DMGDH: variants seen among roughly 807,000 people sequenced by gnomAD.
The protein encoded by DMGDH is dimethylglycine dehydrogenase, mitochondrial.
In DMGDH, 76 loss-of-function variants were observed where a neutral mutation model predicts 95.2. The observed-to-expected ratio is 0.80, with a 90% CI of 0.66 to 0.97. DMGDH has a LOEUF of 0.97. Among genes scored for constraint, DMGDH ranks in the 50% least tolerant of loss-of-function variants. The pLI, the probability that DMGDH is intolerant of heterozygous loss-of-function variation, is 0.00. For synonymous variants in DMGDH, 345 were observed against 377.6 expected (o/e 0.91, Z 1.00); for missense variants, 987 against 1,055.0 (o/e 0.94, Z 0.89).
At chr5:79,021,403 G>A in intron 14 of DMGDH, 1 of 1,180,830 alleles carries the variant, frequency 8.5e-7, no homozygotes, top group Non-Finnish European at 1.1e-6. Context: ...CTTAATAAAT[G>A]TCTACTAGAT....
At chr5:79,007,651 C>T (rs948938779) in intron 14 of DMGDH, among the ~76,000 whole-genome samples, 9 of 152,090 alleles carry the variant, frequency 5.9e-5, no homozygotes, top group Non-Finnish European at 1.0e-4. Flanking sequence ...TAGTCAGTGA[C>T]CAAATTGACT....
chr5:79,029,439 T>C (rs559580416), intron 11 of DMGDH, among the ~76,000 whole-genome samples: 21 of 152,332 alleles, frequency 1.4e-4, no homozygotes, highest in Admixed American at 1.3e-3. Context: ...TAGATCCAGC[T>C]GTGGGCCAGA....
chr5:79,035,035 A>T lies in DMGDH; in HGVS notation c.1194-1627T>A, dbSNP rs1229322636. ...TCGCGCCACTGCACTCCAACCTGGGAGACACAGCGAGACTCCATCTCAAAA... is the reference window on the plus strand; with the variant it reads ...TCGCGCCACTGCACTCCAACCTGGGTGACACAGCGAGACTCCATCTCAAAA... On this transcript the variant is annotated intron_variant, in intron 7 of 15. Coordinates refer to ENST00000255189, the MANE Select transcript of DMGDH (RefSeq NM_013391.3). 4.2e-5 allele frequency among the ~76,000 whole-genome samples: 5 copies of T among 118,492 alleles called. No homozygotes were observed. In the East Asian group the frequency reaches 1.0e-3, roughly 24 times the overall value. The allele number at this position is 118,492 out of a possible 152,430, so 77.7% of individuals were successfully genotyped here.
At chr5:79,012,847 C>T (rs925057868) in intron 14 of DMGDH, among the ~76,000 whole-genome samples, 1 of 152,224 alleles carries the variant, frequency 6.6e-6, no homozygotes, top group Non-Finnish European at 1.5e-5. Context: ...GGCAGTGGGG[C>T]CTTGGGCCTG....
At chr5:79,050,130 G>A (rs549096720) in intron 5 of DMGDH, among the ~76,000 whole-genome samples, 7 of 150,208 alleles carry the variant, frequency 4.7e-5, no homozygotes, top group South Asian at 4.2e-4. Flanking sequence ...GGTGGCAGGC[G>A]CCTGTTATTC....
intron 12 of DMGDH, among the ~76,000 whole-genome samples, chr5:79,026,861 T>G (rs571110913): frequency 6.6e-6 from 1 of 152,216 alleles, no homozygotes; most frequent in East Asian, 1.9e-4. Flanking sequence ...GGAATTAATC[T>G]CCACCCTGGA....
intron 15 of DMGDH, among the ~76,000 whole-genome samples, chr5:79,002,215 C>T (rs1233116713): frequency 1.3e-5 from 2 of 152,114 alleles, no homozygotes; most frequent in Non-Finnish European, 2.9e-5. Flanking sequence ...TGACTGTCCC[C>T]GTGTGTTTTA....
intron 4 of DMGDH, among the ~76,000 whole-genome samples, chr5:79,053,782 C>T (rs1045200206): frequency 3.9e-5 from 6 of 152,164 alleles, no homozygotes; most frequent in East Asian, 1.9e-4. Context: ...TGTAGAGCAA[C>T]GTACCATGGC....
At chr5:79,059,468 G>A (rs1755134478) in intron 2 of DMGDH, among the ~76,000 whole-genome samples, 1 of 152,140 alleles carries the variant, frequency 6.6e-6, no homozygotes, top group Non-Finnish European at 1.5e-5. Flanking sequence ...GACATTTCAT[G>A]TTCTTGTGTC....
Position 79,029,915 on chromosome 5 carries a change from A to C in DMGDH, c.1803T>G (p.Leu601=). The change falls in exon 11 of 16, where the codon CTT becomes CTG. Residue 601 remains leucine, a synonymous_variant. Transcript: ENST00000255189. The stretch of plus-strand genomic sequence containing the variant: ...AGGTGTGCACTTACCTAAGATCATG[A>C]AGTTCTGATCCAGAGCCAGTAATTA... The part of the protein sequence containing the change: ...FLLITGSGSE[L]HDLRWIEEEA... 6.2e-7 allele frequency: 1 copy of C among 1,614,078 alleles called. No homozygotes were observed. The highest frequency in any genetic ancestry group is 8.5e-7 in the Non-Finnish European group (1 of 1,179,964).
At chr5:79,022,990 G>A (rs1048676400) in intron 14 of DMGDH, among the ~76,000 whole-genome samples, 1 of 152,210 alleles carries the variant, frequency 6.6e-6, no homozygotes, top group African/African-American at 2.4e-5. Flanking sequence ...GCTTTCTCTG[G>A]TCTGGAGGCA....
chr5:79,058,061 T>C (rs1051045683), intron 2 of DMGDH, among the ~76,000 whole-genome samples: 6 of 152,222 alleles, frequency 3.9e-5, no homozygotes, highest in Non-Finnish European at 5.9e-5. Flanking sequence ...TTTGTGTAGG[T>C]AACAAATTAT....
intron 14 of DMGDH, among the ~76,000 whole-genome samples, chr5:79,015,216 C>T (rs1753708550): frequency 6.6e-6 from 1 of 152,196 alleles, no homozygotes; most frequent in African/African-American, 2.4e-5. Flanking sequence ...CCTCTCACCC[C>T]TTCACATGCA....
intron 7 of DMGDH, among the ~76,000 whole-genome samples, chr5:79,042,068 C>A (rs1423073355): frequency 2.0e-5 from 3 of 152,108 alleles, no homozygotes; most frequent in Non-Finnish European, 4.4e-5. Context: ...AGTTGCCCTT[C>A]TTTAAAACAT....
chr5:79,042,435 T>G lies in DMGDH; in HGVS notation c.1041A>C (p.Glu347Asp). The G allele has an allele frequency of 1.2e-6, 2 of 1,614,190 alleles. No homozygotes were observed. Among genetic ancestry groups the G allele is most frequent in the Non-Finnish European group, 1.7e-6 (2 of 1,180,018 alleles). Residue 347 changes from glutamate (E) to aspartate (D), a missense_variant, in exon 7 of 16, where the codon GAA (glutamate) becomes GAC (aspartate). By Grantham distance (45) the Glu-to-Asp change is conservative. Transcript: ENST00000255189. Reference protein sequence around the residue: ...LFESDLDRIMEHIKAAMEMVP... With the variant: ...LFESDLDRIMDHIKAAMEMVP... ...CCATTTCCATGGCAGCTTTGATGTG[T>G]TCCATGATTCGATCTAGATCAGACT... is the stretch of plus-strand genomic sequence containing the variant.
At chr5:79,002,868 G>A (rs934287708) in intron 15 of DMGDH, among the ~76,000 whole-genome samples, 4 of 152,122 alleles carry the variant, frequency 2.6e-5, no homozygotes, top group Admixed American at 2.0e-4. Context: ...TCAAAGAGCA[G>A]GCAAACTCAT....
At chr5:79,042,554 T>C (rs1357785786) in intron 6 of DMGDH, 73 bp from the exon 7 acceptor site, 15 of 1,431,318 alleles carry the variant, frequency 1.0e-5, no homozygotes, top group South Asian at 5.7e-5. Context: ...TTTAAGCCTC[T>C]GACATGGCCT....
At chr5:79,007,331 G>A (rs1753568013) in intron 14 of DMGDH, among the ~76,000 whole-genome samples, 1 of 152,028 alleles carries the variant, frequency 6.6e-6, no homozygotes, top group Admixed American at 6.6e-5. Flanking sequence ...CAGTATTCGT[G>A]GGATTTGAAA....
chr5:79,046,405 C>T (rs2112651522), intron 5 of DMGDH, among the ~76,000 whole-genome samples: 1 of 152,134 alleles, frequency 6.6e-6, no homozygotes, highest in East Asian at 1.9e-4. Context: ...GTTTTTGAGA[C>T]ATGGTCTCAC....
Sources: allele counts gnomAD v4.1 joint callset (sites outside exome capture counted in the v4.1 genomes callset), GRCh38; gene constraint gnomAD v4.1.1; transcripts MANE v1.5; gene names NCBI Gene and HGNC (gene_info 2026-07-23, HGNC 2026-07-21).